CTTNBP2: variants seen among roughly 807,000 people sequenced by gnomAD.
CTTNBP2 encodes the protein cortactin-binding protein 2.
CTTNBP2 carries 108 observed loss-of-function variants against 156.9 expected under a neutral mutation model. The ratio of observed to expected loss-of-function variants is 0.69; its 90% CI spans 0.59 to 0.81. The LOEUF (loss-of-function observed/expected upper bound fraction) is 0.81, where lower values mean the gene tolerates loss of function less well. CTTNBP2 is among the 30% of genes least tolerant of loss of function. The probability of loss-of-function intolerance (pLI) is 0.00; values close to 1 mark genes in which losing one functional copy is unlikely to be tolerated. For synonymous variants in CTTNBP2, 767 were observed against 751.8 expected (o/e 1.02, Z -0.33); for missense variants, 1,924 against 2,035.4 (o/e 0.95, Z 1.05).
chr7:117,741,528 C>A (rs1302367162), intron 14 of CTTNBP2, among the ~76,000 whole-genome samples: 3 of 152,204 alleles, frequency 2.0e-5, no homozygotes, highest in African/African-American at 7.2e-5. Context: ...CAATTCCATA[C>A]CTTACACTAA....
intron 2 of CTTNBP2, among the ~76,000 whole-genome samples, chr7:117,820,208 TATTAA>T (rs1295817111): frequency 2.0e-5 from 3 of 152,210 alleles, no homozygotes; most frequent in Non-Finnish European, 4.4e-5. Flanking sequence ...GGGTAGATAC[TATTAA>T]ATTATCAGTG....
chr7:117,753,618 G>A (rs1397425413), intron 12 of CTTNBP2, among the ~76,000 whole-genome samples: 1 of 152,158 alleles, frequency 6.6e-6, no homozygotes, highest in East Asian at 1.9e-4. Context: ...CATGAATGGA[G>A]CTGGAAGCCA....
Position 117,757,961 on chromosome 7 carries a change from G to A in CTTNBP2, c.3182C>T (p.Pro1061Leu), listed in dbSNP as rs777297482. 44 of 1,611,490 alleles carry A rather than the reference G, an allele frequency of 2.7e-5. No homozygotes were observed. Among genetic ancestry groups the A allele is most frequent in the East Asian group, 2.7e-4 (12 of 44,832 alleles). Reference sequence around the variant, plus strand: ...CGCGAAGCTCTGACCCACTGACCACGGCACATTTCCTAGTTTCAAAAAATG... The same window carrying A: ...CGCGAAGCTCTGACCCACTGACCACAGCACATTTCCTAGTTTCAAAAAATG... ...SIRSITLGNV[P>L]WSVGQSFAQS... The change falls in exon 11 of 23, where the codon CCG (proline) becomes CTG (leucine). Residue 1061 changes from proline (P) to leucine (L), a missense_variant. By Grantham distance (98) the Pro-to-Leu change is moderately conservative (BLOSUM62 -3). Transcript: ENST00000160373.
At chr7:117,751,240 T>C (rs1796604052) in intron 12 of CTTNBP2, among the ~76,000 whole-genome samples, 1 of 152,256 alleles carries the variant, frequency 6.6e-6, no homozygotes, top group African/African-American at 2.4e-5. Flanking sequence ...CTGTAATGTG[T>C]TTGCAGAGCG....
rs752856675 is a variant in CTTNBP2 at position 117,784,303 on chromosome 7, G to A, written c.2220C>T (p.Ser740=). The part of the protein sequence containing the change: ...LNEEGLDINY[S]CEDGHSALYS... ...ACAAGGCAGAATGGCCATCTTCACA[G>A]GAGTAATTAATGTCCAGTCCTTCTT... The change falls in exon 5 of 23, where the codon TCC becomes TCT. Residue 740 remains serine (S), a synonymous_variant. Transcript: ENST00000160373. The A allele has an allele frequency of 1.9e-6, 3 of 1,613,930 alleles. No individual in the cohort carries two copies. Among genetic ancestry groups the A allele is most frequent in the Non-Finnish European group, 1.7e-6 (2 of 1,179,942 alleles).
At chr7:117,801,513 C>T (rs1162014041) in intron 3 of CTTNBP2, among the ~76,000 whole-genome samples, 1 of 152,074 alleles carries the variant, frequency 6.6e-6, no homozygotes, top group African/African-American at 2.4e-5. Context: ...AAAATAATTG[C>T]TACAAAGACC....
chr7:117,753,135 G>A (rs1426065869), intron 12 of CTTNBP2, among the ~76,000 whole-genome samples: 1 of 152,044 alleles, frequency 6.6e-6, no homozygotes, highest in Non-Finnish European at 1.5e-5. Context: ...ACATTCATGT[G>A]GCCAACACAT....
intron 14 of CTTNBP2, among the ~76,000 whole-genome samples, chr7:117,742,287 T>C (rs1050202196): frequency 6.6e-6 from 1 of 152,208 alleles, no homozygotes; most frequent in African/African-American, 2.4e-5. Flanking sequence ...TGTTTACTCC[T>C]TAATTCTAGT....
chr7:117,763,004 A>G (rs1457599867), intron 9 of CTTNBP2, among the ~76,000 whole-genome samples: 1 of 152,218 alleles, frequency 6.6e-6, no homozygotes, highest in African/African-American at 2.4e-5. Context: ...CTTGGCTTCA[A>G]TGTCTCATCA....
chr7:117,813,408 G>A (rs1050030299), intron 2 of CTTNBP2, among the ~76,000 whole-genome samples: 6 of 151,994 alleles, frequency 3.9e-5, no homozygotes, highest in African/African-American at 1.2e-4. Flanking sequence ...TGGCCTTTGC[G>A]ACTGTACAGG....
chr7:117,749,894 T>A (rs1467631645), intron 12 of CTTNBP2, among the ~76,000 whole-genome samples: 1 of 152,130 alleles, frequency 6.6e-6, no homozygotes, highest in Non-Finnish European at 1.5e-5. Flanking sequence ...TTTTGTCAGT[T>A]TTCAAAAGTA....
chr7:117,713,116 A>AG (rs1325868804), intron 22 of CTTNBP2, among the ~76,000 whole-genome samples: 1 of 152,208 alleles, frequency 6.6e-6, no homozygotes, highest in Non-Finnish European at 1.5e-5. Flanking sequence ...TAATGCCTAA[A>AG]GATCTGAGAT....
intron 2 of CTTNBP2, among the ~76,000 whole-genome samples, chr7:117,831,393 T>C (rs1233753609): frequency 6.6e-6 from 1 of 152,062 alleles, no homozygotes; most frequent in Non-Finnish European, 1.5e-5. Context: ...GAATCATCTT[T>C]TGCTCCAGAG....
At chr7:117,864,681 T>G (rs56920006) in intron 1 of CTTNBP2, among the ~76,000 whole-genome samples, 213 of 108,630 alleles carry the variant, frequency 2.0e-3, no homozygotes, top group South Asian at 3.7e-3. Context: ...CATATATTTA[T>G]ATATATTCAT....
chr7:117,825,532 T>C (rs1345903271), intron 2 of CTTNBP2, among the ~76,000 whole-genome samples: 2 of 152,260 alleles, frequency 1.3e-5, no homozygotes, highest in African/African-American at 2.4e-5. Context: ...TCCTTCAGCC[T>C]GGTTATATAG....
intron 16 of CTTNBP2, among the ~76,000 whole-genome samples, chr7:117,732,588 T>C (rs1051161513): frequency 1.4e-5 from 2 of 143,206 alleles, no homozygotes; most frequent in African/African-American, 5.3e-5. Flanking sequence ...AGGCGGAGCT[T>C]GCAGTGAGCC....
At chr7:117,868,768 T>C (rs888124673) in intron 1 of CTTNBP2, among the ~76,000 whole-genome samples, 2 of 152,190 alleles carry the variant, frequency 1.3e-5, no homozygotes, top group African/African-American at 4.8e-5. Flanking sequence ...AAAGTATCCT[T>C]CTAAAGCAAT....
chr7:117,711,907 T>G lies in CTTNBP2; in HGVS notation c.4747-125A>C, dbSNP rs913284814. The stretch of plus-strand genomic sequence containing the variant: ...TAAAACTATAGGTTCTCGTGAAAAA[T>G]CAAAAGAAAATGGAGAGGAGAAGCT... On this transcript the variant is annotated intron_variant, in intron 22 of 22. Transcript: ENST00000160373. The G allele has an allele frequency of 9.5e-6, 9 of 942,742 alleles. No individual in the cohort carries two copies. The African/African-American group carries it at 1.5e-4, about 16-fold the overall frequency. The allele number at this position is 942,742 out of a possible 1,614,324, so 58.4% of individuals were successfully genotyped here. A position where few individuals can be genotyped will look rare whatever the true frequency, so the allele number is the denominator to read the frequency against.
rs1409373929 is a variant in CTTNBP2, at chr7:117,810,777, G to A, written c.402C>T (p.Ser134=). ...RMSAQLAAAE[S]RQKKLEMEKL... ...AACGCCTCAATACCTTCTTTTGTCTGCTCTCAGCAGCAGCCAGCTGTGCGG... is the reference window on the plus strand; with the variant it reads ...AACGCCTCAATACCTTCTTTTGTCTACTCTCAGCAGCAGCCAGCTGTGCGG... Residue 134 remains serine (S), a synonymous_variant, in exon 3 of 23, where the codon AGC becomes AGT. Transcript: ENST00000160373. The A allele has an allele frequency of 6.2e-7, 1 of 1,613,004 alleles. No homozygotes were observed. The highest frequency in any genetic ancestry group is 1.1e-5 in the South Asian group (1 of 91,034).
Sources: allele counts gnomAD v4.1 joint callset (sites outside exome capture counted in the v4.1 genomes callset), GRCh38; gene constraint gnomAD v4.1.1; transcripts MANE v1.5; gene names NCBI Gene and HGNC (gene_info 2026-07-23, HGNC 2026-07-21).